The following AGBL4 variants were observed in gnomAD, a reference collection of about 807,000 sequenced individuals.
AGBL4 encodes AGBL carboxypeptidase 4.
Under a neutral mutation model 66.4 loss-of-function variants are expected in AGBL4, and 58 were observed. The observed-to-expected ratio is 0.87, with a 90% confidence interval of 0.71 to 1.09. AGBL4 has a LOEUF of 1.09. Among genes scored for constraint, AGBL4 ranks in the 50% least tolerant of loss-of-function variants. The pLI is 0.00. For missense variants in AGBL4, 579 were observed against 631.0 expected, an observed-to-expected ratio of 0.92 and a Z score of 0.88; for synonymous variants, 234 against 222.9, an observed-to-expected ratio of 1.05 and a Z score of -0.44.
intron 3 of AGBL4, among the ~76,000 whole-genome samples, chr1:49,655,745 A>C (rs1160105342): frequency 6.6e-6 from 1 of 152,260 alleles, no homozygotes; most frequent in Non-Finnish European, 1.5e-5. Context: ...ATCTCTTCAA[A>C]AAATCAATGA....
chr1:49,165,342 G>A (rs1378863778), intron 4 of AGBL4, among the ~76,000 whole-genome samples: 2 of 152,052 alleles, frequency 1.3e-5, no homozygotes, highest in Non-Finnish European at 2.9e-5. Context: ...GGAAGCACAG[G>A]GAGACAAATT....
intron 1 of AGBL4, among the ~76,000 whole-genome samples, chr1:49,981,588 A>G (rs1659061535): frequency 6.6e-6 from 1 of 152,106 alleles, no homozygotes; most frequent in African/African-American, 2.4e-5. Flanking sequence ...ATATATAAAT[A>G]TGAAAGCAAT....
intron 2 of AGBL4, among the ~76,000 whole-genome samples, chr1:49,714,805 C>A (rs945597193): frequency 2.3e-4 from 35 of 151,710 alleles, no homozygotes; most frequent in Admixed American, 6.6e-5. Flanking sequence ...AATGGGATTA[C>A]TAGATTCAGT....
chr1:50,019,263 TTCTCTCTCTC>T (rs71059571), intron 1 of AGBL4, among the ~76,000 whole-genome samples: 49 of 83,672 alleles, frequency 5.9e-4, no homozygotes, highest in South Asian at 2.2e-3. Context: ...AAAAAAAATA[TTCTCTCTCTC>T]TCTCTCTCTC....
chr1:49,283,000 G>A (rs1196035308), intron 3 of AGBL4, among the ~76,000 whole-genome samples: 4 of 152,242 alleles, frequency 2.6e-5, no homozygotes, highest in Non-Finnish European at 5.9e-5. Context: ...TGGGAAGCTG[G>A]AACTGGGTGG....
chr1:48,725,006 C>G (rs1293502153), intron 6 of AGBL4, among the ~76,000 whole-genome samples: 1 of 152,132 alleles, frequency 6.6e-6, no homozygotes, highest in East Asian at 1.9e-4. Flanking sequence ...TCATTTGAGC[C>G]TAGACAGAAA....
intron 4 of AGBL4, among the ~76,000 whole-genome samples, chr1:49,089,429 C>A (rs1315084801): frequency 2.0e-5 from 3 of 152,008 alleles, no homozygotes; most frequent in South Asian, 2.1e-4. Flanking sequence ...TTACCACTGA[C>A]CTTACAGAAA....
At chr1:49,077,669 T>TA (rs1644736300) in intron 4 of AGBL4, among the ~76,000 whole-genome samples, 1 of 152,168 alleles carries the variant, frequency 6.6e-6, no homozygotes, top group Non-Finnish European at 1.5e-5. Context: ...CAAGTCAAGT[T>TA]ATTTCTTTCA....
chr1:49,580,171 T>C (rs1162351575), intron 3 of AGBL4, among the ~76,000 whole-genome samples: 1 of 152,190 alleles, frequency 6.6e-6, no homozygotes, highest in African/African-American at 2.4e-5. Context: ...GAATATCGTT[T>C]TCCATGTCTT....
At chr1:49,529,411 G>A (rs116589301) in intron 3 of AGBL4, among the ~76,000 whole-genome samples, 135 of 152,270 alleles carry the variant, frequency 8.9e-4, no homozygotes, top group African/African-American at 2.7e-3. Flanking sequence ...CAGGCATGGT[G>A]GCTTATGCCA....
At chr1:49,290,519 C>A in intron 3 of AGBL4, among the ~76,000 whole-genome samples, 1 of 151,936 alleles carries the variant, frequency 6.6e-6, no homozygotes, top group Non-Finnish European at 1.5e-5. Context: ...AAAGGCATGG[C>A]AAAATGGCAT....
intron 8 of AGBL4, among the ~76,000 whole-genome samples, chr1:48,648,975 C>T (rs1269180590): frequency 1.3e-5 from 2 of 152,292 alleles, no homozygotes; most frequent in African/African-American, 4.8e-5. Flanking sequence ...TTTGTGCCAT[C>T]GTACAATCAC....
chr1:48,993,410 T>C (rs1290653305), intron 5 of AGBL4, among the ~76,000 whole-genome samples: 1 of 151,850 alleles, frequency 6.6e-6, no homozygotes, highest in African/African-American at 2.4e-5. Context: ...AAGAAAGGGG[T>C]CTGTGTTGGA....
At position 48,736,917 on chromosome 1, in the gene AGBL4, G is replaced by A. The variant is rs1332798302; in HGVS notation, c.635-73676C>T. ...CACCTTCCTTTAATGTGAACATTCTGGGACATATACCTTCCTAGTATGGTG... is the reference window on the plus strand; with the variant it reads ...CACCTTCCTTTAATGTGAACATTCTAGGACATATACCTTCCTAGTATGGTG... On this transcript the variant is annotated intron_variant, in intron 6 of 13. Coordinates refer to ENST00000371839, the MANE Select transcript of AGBL4 (RefSeq NM_032785.4). This position sits in a 1 kb window ranked among gnomAD's most constrained non-coding sequence, Gnocchi z 4.0. 6.6e-6 allele frequency among the ~76,000 whole-genome samples: 1 copy of A among 152,130 alleles called. No homozygotes were observed. The highest frequency in any genetic ancestry group is 1.9e-4 in the East Asian group (1 of 5,192).
At position 49,622,484 on chromosome 1, in the gene AGBL4, C is replaced by G. The variant is rs1158759551; in HGVS notation, c.282+74829G>C. 4.0e-5 allele frequency among the ~76,000 whole-genome samples: 6 copies of G among 150,818 alleles called. No individual in the cohort carries two copies. The East Asian group carries it at 1.2e-3, about 29-fold the overall frequency. On this transcript the variant is annotated intron_variant, in intron 3 of 13. Coordinates refer to ENST00000371839, the MANE Select transcript of AGBL4 (RefSeq NM_032785.4). ...CTCTACTAAAAATACAAAAAATTAG[C>G]CGGGCGTAGTGGCGGGCGCCTGTAG... is the stretch of plus-strand genomic sequence containing the variant.
At chr1:49,799,730 T>A (rs1644814697) in intron 2 of AGBL4, among the ~76,000 whole-genome samples, 1 of 152,112 alleles carries the variant, frequency 6.6e-6, no homozygotes, top group South Asian at 2.1e-4. Context: ...TATGACATTA[T>A]AAAAGAATTC....
chr1:49,902,917 C>G (rs1294541283), intron 1 of AGBL4, among the ~76,000 whole-genome samples: 2 of 152,160 alleles, frequency 1.3e-5, no homozygotes, highest in Non-Finnish European at 2.9e-5. Context: ...TAAGTTAGTT[C>G]AGCCATTGTG....
At chr1:48,553,918 A>C (rs540442267) in intron 11 of AGBL4, among the ~76,000 whole-genome samples, 4 of 152,316 alleles carry the variant, frequency 2.6e-5, no homozygotes, top group Admixed American at 1.3e-4. Flanking sequence ...CAATATGAAG[A>C]ATCTATCCTG....
At chr1:48,832,427 C>T (rs1242795535) in intron 6 of AGBL4, among the ~76,000 whole-genome samples, 6 of 152,170 alleles carry the variant, frequency 3.9e-5, no homozygotes, top group East Asian at 1.9e-4. Context: ...GCTCTAATGG[C>T]ATCAATAACC....
Sources: allele counts gnomAD v4.1 joint callset (sites outside exome capture counted in the v4.1 genomes callset), GRCh38; gene constraint gnomAD v4.1.1; non-coding constraint Gnocchi (gnomAD v3.1); transcripts MANE v1.5; gene names NCBI Gene and HGNC (gene_info 2026-07-23, HGNC 2026-07-21).